Variants in CAMTA1 observed in about 807,000 individuals in gnomAD.
The protein encoded by CAMTA1 is calmodulin-binding transcription activator 1.
Under a neutral mutation model 170.9 loss-of-function variants are expected in CAMTA1, and 27 were observed. That is an observed-to-expected ratio of 0.16 (90% CI 0.12 to 0.22). The LOEUF (loss-of-function observed/expected upper bound fraction) is 0.22, where lower values mean the gene tolerates loss of function less well. Among genes scored for constraint, CAMTA1 ranks in the 10% least tolerant of loss-of-function variants. CAMTA1 has a pLI of 1.00. For missense variants in CAMTA1, 1,619 were observed against 2,217.2 expected (o/e 0.73, Z 5.42); for synonymous variants, 833 against 891.5 (o/e 0.93, Z 1.17).
intron 5 of CAMTA1, among the ~76,000 whole-genome samples, chr1:7,451,295 C>G (rs1445904840): frequency 3.3e-5 from 5 of 152,170 alleles, no homozygotes; most frequent in African/African-American, 1.2e-4. Context: ...GGCTCCAGAT[C>G]AGTGCACTGA....
At chr1:7,706,778 T>C (rs958791139) in intron 11 of CAMTA1, among the ~76,000 whole-genome samples, 3 of 152,112 alleles carry the variant, frequency 2.0e-5, no homozygotes, top group African/African-American at 7.2e-5. Flanking sequence ...TCTGAACAAC[T>C]CAAATGGAAA....
intron 5 of CAMTA1, among the ~76,000 whole-genome samples, chr1:7,464,649 G>C (rs1455592947): frequency 1.3e-5 from 2 of 152,114 alleles, no homozygotes; most frequent in Non-Finnish European, 2.9e-5. Flanking sequence ...TTTTCCTGCT[G>C]CTGTGCTTCC....
chr1:7,574,657 C>A (rs918484172), intron 6 of CAMTA1, among the ~76,000 whole-genome samples: 1 of 152,216 alleles, frequency 6.6e-6, no homozygotes, highest in Non-Finnish European at 1.5e-5. Context: ...GCAGAGAGGT[C>A]CGCCTGGCCA....
At chr1:7,411,970 CATT>C (rs1210899734) in intron 5 of CAMTA1, among the ~76,000 whole-genome samples, 1 of 145,672 alleles carries the variant, frequency 6.9e-6, no homozygotes, top group East Asian at 2.1e-4. Flanking sequence ...CATGTGTTCT[CATT>C]GTTCAATTCC....
rs1208447616 is a variant in CAMTA1 at position 7,103,897 on chromosome 1, CACA to C, written c.302+12529_302+12531del. On this transcript the variant is annotated intron_variant, in intron 4 of 22. Transcript: ENST00000303635. ...CAACTACACACATGTACACACAACA[CACA>C]ACTACACGCGCACTCACACATACAC... Among the ~76,000 whole-genome samples the C allele has an allele frequency of 9.4e-5, 14 of 148,238 alleles. No homozygotes were observed. In the East Asian group the frequency reaches 1.4e-3, roughly 15 times the overall value.
intron 3 of CAMTA1, among the ~76,000 whole-genome samples, chr1:6,839,187 C>G (rs1654631584): frequency 6.6e-6 from 1 of 151,942 alleles, no homozygotes. Flanking sequence ...TCGATACCAT[C>G]CTGGCTAACA....
In CAMTA1 at chr1:7,680,842, ACGCGCGCG is replaced by A. The variant is rs1553247058; in HGVS notation, c.2914+3121_2914+3128del. Among the ~76,000 whole-genome samples the A allele has an allele frequency of 7.1e-6, 1 of 141,056 alleles. No individual in the cohort carries two copies. Among genetic ancestry groups the A allele is most frequent in the African/African-American group, 2.6e-5 (1 of 38,398 alleles). The allele number at this position is 141,056 out of a possible 152,430, so 92.5% of individuals were successfully genotyped here. ...GGCGTGGGTCCGGGGCGCAGAGAAC[ACGCGCGCG>A]CGCGCGCGCGCCAGCAGCAGCAGCA... On this transcript the variant is annotated intron_variant, in intron 11 of 22. Coordinates refer to ENST00000303635, the MANE Select transcript of CAMTA1 (RefSeq NM_015215.4). The surrounding 1 kb of genome is among the most constrained non-coding windows in gnomAD (Gnocchi z 4.4).
At chr1:7,106,945 T>C (rs1432755527) in intron 4 of CAMTA1, among the ~76,000 whole-genome samples, 2 of 151,982 alleles carry the variant, frequency 1.3e-5, no homozygotes, top group Non-Finnish European at 2.9e-5. Context: ...CTATCAGTAA[T>C]GTGCAGACTG....
In CAMTA1 at chr1:7,580,261, T is replaced by A. The variant is rs1162542057; in HGVS notation, c.511-60139T>A. Among the ~76,000 whole-genome samples, 1 of 152,014 alleles carries A rather than the reference T, an allele frequency of 6.6e-6. No individual in the cohort carries two copies. Among genetic ancestry groups the A allele is most frequent in the Admixed American group, 6.5e-5 (1 of 15,278 alleles). ...CCCCTGGGGCTGTGGAGGCTGAGGCTCCTGGGGGGTTGTCCACATCTGGAC... is the reference window on the plus strand; with the variant it reads ...CCCCTGGGGCTGTGGAGGCTGAGGCACCTGGGGGGTTGTCCACATCTGGAC... On this transcript the variant is annotated intron_variant, in intron 6 of 22. Transcript: ENST00000303635. This position sits in a 1 kb window ranked among gnomAD's most constrained non-coding sequence, Gnocchi z 4.3.
At chr1:7,074,404 T>C (rs879943792) in intron 3 of CAMTA1, among the ~76,000 whole-genome samples, 2 of 152,200 alleles carry the variant, frequency 1.3e-5, no homozygotes, top group Non-Finnish European at 2.9e-5. Context: ...ATACTAATTG[T>C]AGAAAAATAG....
intron 3 of CAMTA1, among the ~76,000 whole-genome samples, chr1:6,827,646 C>A (rs1366147888): frequency 6.6e-6 from 1 of 152,026 alleles, no homozygotes; most frequent in Non-Finnish European, 1.5e-5. Context: ...TTACGTTCTT[C>A]AGCCTGCCAT....
chr1:7,185,674 A>G (rs2148912128), intron 4 of CAMTA1, among the ~76,000 whole-genome samples: 1 of 152,340 alleles, frequency 6.6e-6, no homozygotes, highest in South Asian at 2.1e-4. Context: ...AATCGGGACA[A>G]ACACACAGCT....
At chr1:7,712,028 G>C (rs2096574412) in intron 11 of CAMTA1, among the ~76,000 whole-genome samples, 1 of 152,106 alleles carries the variant, frequency 6.6e-6, no homozygotes, top group Admixed American at 6.5e-5. Flanking sequence ...ATAAAACATT[G>C]AACTACATAA....
At chr1:7,514,607 G>T (rs1311159075) in intron 6 of CAMTA1, among the ~76,000 whole-genome samples, 2 of 152,226 alleles carry the variant, frequency 1.3e-5, no homozygotes, top group Non-Finnish European at 2.9e-5. Flanking sequence ...ACTCATTTGG[G>T]AAATGCAAGC....
chr1:7,692,894 G>A (rs1318237635), intron 11 of CAMTA1, among the ~76,000 whole-genome samples: 2 of 152,214 alleles, frequency 1.3e-5, no homozygotes, highest in East Asian at 3.8e-4. Flanking sequence ...GGGGCACACG[G>A]AACAACACAA....
At chr1:7,723,009 G>A (rs2096659424) in intron 11 of CAMTA1, among the ~76,000 whole-genome samples, 1 of 152,140 alleles carries the variant, frequency 6.6e-6, no homozygotes, top group Non-Finnish European at 1.5e-5. Flanking sequence ...GTTTACATTA[G>A]TGTGTATACA....
In CAMTA1 at chr1:7,251,595, A is replaced by G. The variant is rs1196269319; in HGVS notation, c.438+1969A>G. ...GTTGTCCCACTGAGCCACTCAGCAG[A>G]TATCGACCCTGTGTGCCTACTCTGT... On this transcript the variant is annotated intron_variant, in intron 5 of 22. Coordinates refer to ENST00000303635, the MANE Select transcript of CAMTA1 (RefSeq NM_015215.4). This position sits in a 1 kb window ranked among gnomAD's most constrained non-coding sequence, Gnocchi z 5.1. Among the ~76,000 whole-genome samples, 1 of 152,190 alleles carries G rather than the reference A, an allele frequency of 6.6e-6. No homozygotes were observed. Among genetic ancestry groups the G allele is most frequent in the Non-Finnish European group, 1.5e-5 (1 of 68,016 alleles).
At chr1:7,650,218 C>T (rs74053147) in intron 7 of CAMTA1, among the ~76,000 whole-genome samples, 3,019 of 152,332 alleles carry the variant, frequency 0.02, 95 homozygotes, top group African/African-American at 0.07. Flanking sequence ...ACTTCACCCA[C>T]GGTGCAAAGA....
At chr1:6,875,095 G>A (rs1669459862) in intron 3 of CAMTA1, among the ~76,000 whole-genome samples, 1 of 152,138 alleles carries the variant, frequency 6.6e-6, no homozygotes, top group African/African-American at 2.4e-5. Flanking sequence ...GCCCAGATAG[G>A]TTAAATAAAT....
Sources: allele counts gnomAD v4.1 joint callset (sites outside exome capture counted in the v4.1 genomes callset), GRCh38; gene constraint gnomAD v4.1.1; non-coding constraint Gnocchi (gnomAD v3.1); transcripts MANE v1.5; gene names NCBI Gene and HGNC (gene_info 2026-07-23, HGNC 2026-07-21).